Variants in TLN2 observed in about 807,000 individuals in gnomAD.
TLN2 encodes talin-2.
A neutral mutation model predicts 294.7 loss-of-function variants in TLN2; 118 were observed. The observed-to-expected ratio is 0.40, with a 90% CI of 0.34 to 0.47. The LOEUF is 0.47. Among genes scored for constraint, TLN2 ranks in the 20% least tolerant of loss-of-function variants. The probability of loss-of-function intolerance (pLI) is 0.84; values close to 1 mark genes in which losing one functional copy is unlikely to be tolerated. For missense variants in TLN2, 3,083 were observed against 3,282.2 expected, an observed-to-expected ratio of 0.94 and a Z score of 1.48; for synonymous variants, 1,431 against 1,304.5, an observed-to-expected ratio of 1.10 and a Z score of -2.09.
At chr15:62,582,045 G>GA (rs112327795) in intron 1 of TLN2, among the ~76,000 whole-genome samples, 35,033 of 140,412 alleles carry the variant, frequency 0.25, 4,334 homozygotes, top group African/African-American at 0.31. Flanking sequence ...ACTCTGTCTA[G>GA]AAAAAAAAAA....
intron 3 of TLN2, among the ~76,000 whole-genome samples, chr15:62,639,670 T>C (rs1011871526): frequency 2.6e-5 from 4 of 152,226 alleles, no homozygotes; most frequent in Non-Finnish European, 4.4e-5. Context: ...GCTGTGTTCA[T>C]TGCTGCTTTT....
chr15:62,807,765 T>A (rs374637326), intron 51 of TLN2, among the ~76,000 whole-genome samples: 2 of 152,156 alleles, frequency 1.3e-5, no homozygotes, highest in African/African-American at 4.8e-5. Context: ...CAGGACAAGA[T>A]AGCAGCCAGA....
At chr15:62,509,600 G>C (rs2039823576) in intron 1 of TLN2, among the ~76,000 whole-genome samples, 1 of 152,180 alleles carries the variant, frequency 6.6e-6, no homozygotes, top group South Asian at 2.1e-4. Context: ...AACTTGCCTG[G>C]AATGCACATG....
chr15:62,743,232 T>A (rs999857951), intron 32 of TLN2, among the ~76,000 whole-genome samples: 1 of 152,102 alleles, frequency 6.6e-6, no homozygotes, highest in African/African-American at 2.4e-5. Context: ...TTCTTGAGAC[T>A]GTCAGGTCCT....
chr15:62,743,408 TG>T (rs1217663330), intron 32 of TLN2, among the ~76,000 whole-genome samples: 4 of 152,138 alleles, frequency 2.6e-5, no homozygotes, highest in Admixed American at 2.6e-4. Context: ...GGTTTGCTTC[TG>T]GAGAAAAAAG....
intron 1 of TLN2, among the ~76,000 whole-genome samples, chr15:62,581,111 C>T (rs1370387027): frequency 2.6e-5 from 4 of 152,028 alleles, no homozygotes. Context: ...CTCCTAACAC[C>T]TCAAGTGATC....
Position 62,708,618 on chromosome 15 carries a change from T to C in TLN2, c.2289T>C (p.Asp763=). 2 of 1,614,124 alleles carry C rather than the reference T, an allele frequency of 1.2e-6. No individual in the cohort carries two copies. The highest frequency in any genetic ancestry group is 1.3e-5 in the African/African-American group (1 of 75,024). The change falls in exon 21 of 59, where the codon GAT becomes GAC. Residue 763 remains aspartate, a synonymous_variant. Coordinates refer to ENST00000636159, the MANE Select transcript of TLN2 (RefSeq NM_015059.3). Reference sequence around the variant, plus strand: ...GTGCCTGCCAGGCGGCCACTACCGATAGTGAGCTCCTGAAGCAGGTCAGCG... The same window carrying C: ...GTGCCTGCCAGGCGGCCACTACCGACAGTGAGCTCCTGAAGCAGGTCAGCG... ...CVRACQAATT[D]SELLKQVSAA...
intron 1 of TLN2, among the ~76,000 whole-genome samples, chr15:62,556,569 A>G (rs7183349): frequency 0.47 from 71,045 of 151,874 alleles, 17,133 homozygotes; most frequent in African/African-American, 0.59. Context: ...ACGGTGCTGG[A>G]ATTACAGGTG....
At chr15:62,468,075 G>A (rs904712169) in intron 1 of TLN2, among the ~76,000 whole-genome samples, 1 of 151,970 alleles carries the variant, frequency 6.6e-6, no homozygotes, top group Non-Finnish European at 1.5e-5. Flanking sequence ...CATCCTTTTG[G>A]TGTAAATTGG....
intron 1 of TLN2, among the ~76,000 whole-genome samples, chr15:62,448,870 G>C (rs962603953): frequency 1.3e-5 from 2 of 152,132 alleles, no homozygotes; most frequent in Non-Finnish European, 2.9e-5. Context: ...ACTATAGAGC[G>C]TGCTCTTCGA....
At chr15:62,726,576 G>T (rs2060453130) in intron 27 of TLN2, among the ~76,000 whole-genome samples, 2 of 152,024 alleles carry the variant, frequency 1.3e-5, no homozygotes, top group Admixed American at 6.5e-5. Context: ...TTTCCTTTCA[G>T]TTGGAACTCC....
intron 54 of TLN2, among the ~76,000 whole-genome samples, chr15:62,822,118 A>G (rs2067622782): frequency 6.6e-6 from 1 of 152,190 alleles, no homozygotes; most frequent in South Asian, 2.1e-4. Flanking sequence ...GTCCTTCCGC[A>G]GGGTCCTTCT....
At chr15:62,728,035 T>G (rs1466825464) in intron 28 of TLN2, among the ~76,000 whole-genome samples, 1 of 152,062 alleles carries the variant, frequency 6.6e-6, no homozygotes, top group African/African-American at 2.4e-5. Flanking sequence ...CTTCATAAGG[T>G]CTCACAAATT....
chr15:62,831,861 C>T (rs1053292079), intron 54 of TLN2: 4 of 152,226 alleles, frequency 2.6e-5, no homozygotes, highest in African/African-American at 9.6e-5. Flanking sequence ...TTGTATCCCT[C>T]CTGTCTGACG....
At chr15:62,564,925 A>AAAAAATAT (rs759679956) in intron 1 of TLN2, among the ~76,000 whole-genome samples, 2 of 80,648 alleles carry the variant, frequency 2.5e-5, no homozygotes, top group African/African-American at 9.5e-5. Context: ...AAAAAAAAAA[A>AAAAAATAT]ATATATATAT....
At chr15:62,763,233 T>C in intron 39 of TLN2, 1 of 175,072 alleles carries the variant, frequency 5.7e-6, no homozygotes, top group Non-Finnish European at 1.2e-5. Flanking sequence ...CTTTTTTTTT[T>C]TTTTTTGAGT....
chr15:62,647,033 G>C (rs1278410060), intron 3 of TLN2, among the ~76,000 whole-genome samples: 1 of 152,174 alleles, frequency 6.6e-6, no homozygotes, highest in Non-Finnish European at 1.5e-5. Flanking sequence ...CTCCTCCTAA[G>C]GGGTTCTACT....
At chr15:62,595,895 A>G (rs529341237) in intron 2 of TLN2, among the ~76,000 whole-genome samples, 1 of 152,316 alleles carries the variant, frequency 6.6e-6, no homozygotes, top group South Asian at 2.1e-4. Context: ...AGTGCTGGGG[A>G]GATGTTGTTC....
chr15:62,495,149 C>T (rs1397243727), intron 1 of TLN2, among the ~76,000 whole-genome samples: 2 of 152,184 alleles, frequency 1.3e-5, no homozygotes, highest in Non-Finnish European at 2.9e-5. Flanking sequence ...GAAAATGGAA[C>T]TCCTGGAGGA....
Sources: gnomAD v4.1 joint callset for allele counts (sites outside exome capture counted in the v4.1 genomes callset) on GRCh38, gnomAD v4.1.1 for gene constraint, MANE v1.5 for transcripts, NCBI Gene and HGNC (gene_info 2026-07-23, HGNC 2026-07-21) for gene names.